The following CDH4 variants were observed in gnomAD, a reference collection of about 807,000 sequenced individuals.
The protein encoded by CDH4 is cadherin-4.
Under a neutral mutation model 86.0 loss-of-function variants are expected in CDH4, and 33 were observed. The ratio of observed to expected loss-of-function variants is 0.38; its 90% CI spans 0.29 to 0.51. The LOEUF (loss-of-function observed/expected upper bound fraction) is 0.51. Among genes scored for constraint, CDH4 ranks in the 20% least tolerant of loss-of-function variants. CDH4 has a pLI of 0.86. For synonymous variants in CDH4, 555 were observed against 549.4 expected (o/e 1.01, Z -0.14); for missense variants, 1,114 against 1,307.4 (o/e 0.85, Z 2.28).
chr20:61,493,309 A>T (rs923926616), intron 2 of CDH4, among the ~76,000 whole-genome samples: 5 of 152,142 alleles, frequency 3.3e-5, no homozygotes, highest in African/African-American at 1.2e-4. Context: ...GAAGCGTGCT[A>T]TGCCCTGCTT....
chr20:61,261,321 T>C (rs1334525596), intron 2 of CDH4, among the ~76,000 whole-genome samples: 2 of 152,228 alleles, frequency 1.3e-5, no homozygotes, highest in African/African-American at 4.8e-5. Context: ...AGGCAGTGCA[T>C]GCACCAGCTA....
rs1473811010 is a variant in CDH4 at position 61,727,973 on chromosome 20, A to AT, written c.170-15590_170-15589insT. On this transcript the variant is annotated intron_variant, in intron 2 of 15. Coordinates refer to ENST00000614565, the MANE Select transcript of CDH4 (RefSeq NM_001794.5). ...TAAGGAGAGGCCTTGCCCAGGTTAG[A>AT]AGCAGGTGACTCACTCCCAGCAGTG... is the stretch of plus-strand genomic sequence containing the variant. Among the ~76,000 whole-genome samples, 3 of 152,316 alleles carry AT rather than the reference A, an allele frequency of 2.0e-5. No homozygotes were observed. The East Asian group carries it at 5.8e-4, about 29-fold the overall frequency.
chr20:61,467,007 T>G (rs1235177313), intron 2 of CDH4, among the ~76,000 whole-genome samples: 9 of 152,246 alleles, frequency 5.9e-5, no homozygotes, highest in Admixed American at 5.9e-4. Context: ...AGCAGTGGTG[T>G]TCTCACTGGT....
intron 2 of CDH4, among the ~76,000 whole-genome samples, chr20:61,430,375 G>T (rs2085239825): frequency 6.6e-6 from 1 of 152,180 alleles, no homozygotes; most frequent in Non-Finnish European, 1.5e-5. Context: ...GCTCATCAGT[G>T]TGCCAGGCGG....
chr20:61,786,777 G>A (rs1978902677), intron 4 of CDH4, among the ~76,000 whole-genome samples: 1 of 152,188 alleles, frequency 6.6e-6, no homozygotes, highest in Non-Finnish European at 1.5e-5. Flanking sequence ...GAGAGCTCAG[G>A]CACCTTCCAC....
At chr20:61,674,789 A>G (rs2087428774) in intron 2 of CDH4, among the ~76,000 whole-genome samples, 1 of 152,230 alleles carries the variant, frequency 6.6e-6, no homozygotes, top group Admixed American at 6.5e-5. Context: ...TTGACTGCTC[A>G]GCCCAGTTAG....
intron 6 of CDH4, among the ~76,000 whole-genome samples, chr20:61,858,497 GTGTGTC>G (rs368774619): frequency 2.7e-4 from 41 of 151,288 alleles, no homozygotes; most frequent in African/African-American, 8.3e-4. Flanking sequence ...GTCTGTATGT[GTGTGTC>G]TGTGTCTGTG....
intron 2 of CDH4, among the ~76,000 whole-genome samples, chr20:61,285,254 A>G (rs2084287161): frequency 1.3e-5 from 2 of 152,224 alleles, no homozygotes; most frequent in African/African-American, 2.4e-5. Context: ...TGACATCGTC[A>G]AGGTTACGAA....
At chr20:61,599,925 C>T in intron 2 of CDH4, 1 of 985,490 alleles carries the variant, frequency 1.0e-6, no homozygotes, top group Non-Finnish European at 1.2e-6. Flanking sequence ...GGAAGGAGTC[C>T]CAGCCACAGG....
chr20:61,668,626 A>G (rs1466823795), intron 2 of CDH4, among the ~76,000 whole-genome samples: 2 of 152,184 alleles, frequency 1.3e-5, no homozygotes, highest in South Asian at 4.1e-4. Context: ...CCATGAGAGA[A>G]AAAGAGACTG....
intron 2 of CDH4, among the ~76,000 whole-genome samples, chr20:61,530,322 G>A (rs1011694524): frequency 6.6e-6 from 1 of 152,126 alleles, no homozygotes; most frequent in South Asian, 2.1e-4. Flanking sequence ...GAGCCACTGC[G>A]CCCGGCCAGC....
At chr20:61,797,090 C>G (rs1424690934) in intron 4 of CDH4, among the ~76,000 whole-genome samples, 5 of 151,912 alleles carry the variant, frequency 3.3e-5, no homozygotes, top group South Asian at 2.1e-4. Flanking sequence ...AGAGCCCCCC[C>G]CCCCCCAACA....
intron 8 of CDH4, among the ~76,000 whole-genome samples, chr20:61,903,540 TAA>T (rs60370683): frequency 1.3e-4 from 12 of 90,884 alleles, no homozygotes; most frequent in Admixed American, 1.1e-3. Context: ...AGAGACTCCA[TAA>T]AAAAAAAAAA....
At position 61,427,035 on chromosome 20, in the gene CDH4, C is replaced by A. The variant is rs2085219033; in HGVS notation, c.169+172098C>A. On this transcript the variant is annotated intron_variant, in intron 2 of 15. Transcript: ENST00000614565. ...ATGACTGAAGTGAGAGTTGTATGTA[C>A]AACAGCAGCTCCAAGACTAACTAGG... is the stretch of plus-strand genomic sequence containing the variant. Among the ~76,000 whole-genome samples, 4 of 152,198 alleles carry A rather than the reference C, an allele frequency of 2.6e-5. 1 individual carries two copies. The South Asian group carries it at 6.2e-4, about 24-fold the overall frequency.
At chr20:61,433,230 G>T (rs1022008737) in intron 2 of CDH4, among the ~76,000 whole-genome samples, 1 of 152,072 alleles carries the variant, frequency 6.6e-6, no homozygotes, top group Non-Finnish European at 1.5e-5. Context: ...TTATCCAATT[G>T]TTGGTGCACC....
chr20:61,855,535 C>T (rs911673681), intron 6 of CDH4, among the ~76,000 whole-genome samples: 15 of 152,320 alleles, frequency 9.8e-5, no homozygotes, highest in African/African-American at 3.4e-4. Context: ...ATACCACTGG[C>T]CTCTCTCCCG....
In CDH4 at chr20:61,712,652, C is replaced by T. The variant is rs186220593; in HGVS notation, c.170-30911C>T. ...CAATCCTACAGGCACATCCCTGGCCCTATAGGGGCACCCACTCCAAGGGAC... is the reference window on the plus strand; with the variant it reads ...CAATCCTACAGGCACATCCCTGGCCTTATAGGGGCACCCACTCCAAGGGAC... On this transcript the variant is annotated intron_variant, in intron 2 of 15. Coordinates refer to ENST00000614565, the MANE Select transcript of CDH4 (RefSeq NM_001794.5). 4.3e-3 allele frequency among the ~76,000 whole-genome samples: 661 copies of T among 152,332 alleles called. 1 individual carries two copies. Among genetic ancestry groups the T allele is most frequent in the Non-Finnish European group, 7.9e-3 (535 of 68,028 alleles).
intron 2 of CDH4, among the ~76,000 whole-genome samples, chr20:61,737,544 G>C (rs1286647972): frequency 6.6e-6 from 1 of 152,136 alleles, no homozygotes; most frequent in Non-Finnish European, 1.5e-5. Flanking sequence ...TCATCACCTG[G>C]CCACTGACCA....
At chr20:61,388,226 G>A (rs757305622) in intron 2 of CDH4, among the ~76,000 whole-genome samples, 3 of 152,102 alleles carry the variant, frequency 2.0e-5, no homozygotes, top group Admixed American at 6.5e-5. Flanking sequence ...GCTGTCGGCC[G>A]GGAGCAGAGC....
Sources: allele counts gnomAD v4.1 joint callset (sites outside exome capture counted in the v4.1 genomes callset), GRCh38; gene constraint gnomAD v4.1.1; transcripts MANE v1.5; gene names NCBI Gene and HGNC (gene_info 2026-07-23, HGNC 2026-07-21).